Variants in SRGAP2 observed in about 807,000 individuals in gnomAD.
SRGAP2 encodes the protein SLIT-ROBO Rho GTPase activating protein 2, also known as SLIT-ROBO Rho GTPase-activating protein 2.
A neutral mutation model predicts 57.2 loss-of-function variants in SRGAP2; 15 were observed. That is an observed-to-expected ratio of 0.26 (90% CI 0.18 to 0.40). The LOEUF (loss-of-function observed/expected upper bound fraction) is 0.40. Ranked by LOEUF, SRGAP2 falls within the 10% of genes least tolerant of loss-of-function variation. The probability of loss-of-function intolerance (pLI) is 1.00; values close to 1 mark genes in which losing one functional copy is unlikely to be tolerated. For missense variants in SRGAP2, 520 were observed against 669.6 expected (o/e 0.78, Z 2.47); for synonymous variants, 249 against 248.0 (o/e 1.00, Z -0.04).
At chr1:206,349,503 C>T (rs1675883467) in intron 4 of SRGAP2, among the ~76,000 whole-genome samples, 2 of 148,472 alleles carry the variant, frequency 1.3e-5, no homozygotes, top group African/African-American at 4.9e-5. Context: ...CTGAGTAATG[C>T]CTCCCTCAAA....
intron 4 of SRGAP2, among the ~76,000 whole-genome samples, chr1:206,364,265 T>C (rs1236706774): frequency 1.3e-5 from 2 of 149,770 alleles, no homozygotes; most frequent in African/African-American, 4.9e-5. Context: ...TTTTATAGAT[T>C]AACAGGCATC....
chr1:206,243,525 G>A (rs1182628880), intron 2 of SRGAP2, among the ~76,000 whole-genome samples: 1 of 152,208 alleles, frequency 6.6e-6, no homozygotes, highest in East Asian at 1.9e-4. Flanking sequence ...CTAGAGCCAA[G>A]AGGCTTCGAG....
intron 14 of SRGAP2, among the ~76,000 whole-genome samples, chr1:206,432,233 C>A (rs1661336471): frequency 6.6e-6 from 1 of 152,166 alleles, no homozygotes; most frequent in Admixed American, 6.5e-5. Flanking sequence ...CATGAATGTA[C>A]CTGTTTCTGC....
At chr1:206,425,940 G>A (rs184813458) in intron 13 of SRGAP2, among the ~76,000 whole-genome samples, 210 of 149,782 alleles carry the variant, frequency 1.4e-3, no homozygotes, top group African/African-American at 5.0e-3. Flanking sequence ...TCCACCTCCT[G>A]GATTGAAGCA....
chr1:206,391,070 G>A (rs373394648), intron 5 of SRGAP2, among the ~76,000 whole-genome samples: 2,108 of 151,826 alleles, frequency 0.014, 38 homozygotes, highest in South Asian at 0.056. Flanking sequence ...GTTGTTGTGG[G>A]GGCTGTCCTG....
chr1:206,303,914 A>ACACT (rs1553321603), intron 3 of SRGAP2, among the ~76,000 whole-genome samples: 5 of 146,900 alleles, frequency 3.4e-5, no homozygotes, highest in South Asian at 2.1e-4. Flanking sequence ...ACACACACAC[A>ACACT]CACACTCACA....
rs540429458 is a variant in SRGAP2, at chr1:206,353,987, C to T, written c.423+10979C>T. 8.9e-3 allele frequency among the ~76,000 whole-genome samples: 1,354 copies of T among 151,728 alleles called. 16 individuals carry two copies. The highest frequency in any genetic ancestry group is 0.027 in the African/African-American group (1,102 of 41,312). ...GCTAATTTTTTTAGAGATGGGGTCT[C>T]GCTGTGGTGCCCAGGCTAGGCTTGA... On this transcript the variant is annotated intron_variant, in intron 4 of 22. Transcript: ENST00000573034.
rs1664321440 is a variant in SRGAP2 at position 206,462,249 on chromosome 1, T to C, written c.*829T>C. ...CACCCCCGTCTTATTAAGGAGCTTT[T>C]AAAGTTTTTCTGAATGTATAGACAT... On this transcript the variant is annotated 3_prime_UTR_variant, in exon 23 of 23. Transcript: ENST00000573034. The C allele has an allele frequency of 6.6e-6, 1 of 152,658 alleles. No homozygotes were observed. Among genetic ancestry groups the C allele is most frequent in the Admixed American group, 6.5e-5 (1 of 15,282 alleles). The allele number at this position is 152,658 out of a possible 1,614,324, so 9.5% of individuals were successfully genotyped here.
chr1:206,411,337 G>C (rs1211364526), intron 10 of SRGAP2, among the ~76,000 whole-genome samples: 1 of 152,208 alleles, frequency 6.6e-6, no homozygotes, highest in Non-Finnish European at 1.5e-5. Flanking sequence ...GGGGCACTGA[G>C]TGACACTAGA....
chr1:206,355,036 ATTT>A (rs1238616038), intron 4 of SRGAP2, among the ~76,000 whole-genome samples: 1 of 152,190 alleles, frequency 6.6e-6, no homozygotes, highest in African/African-American at 2.4e-5. Context: ...TCTCCTTTAC[ATTT>A]CAATAAACTT....
Position 206,426,459 on chromosome 1 carries a change from A to G in SRGAP2, c.1495-3703A>G, listed in dbSNP as rs1293082360. ...AGAGTGCAGTTACACTGATACTTCA[A>G]TATACTGATTTCTTTTCTTTTGGAT... On this transcript the variant is annotated intron_variant, in intron 13 of 22. Coordinates refer to ENST00000573034, the MANE Select transcript of SRGAP2 (RefSeq NM_015326.5). Among the ~76,000 whole-genome samples, 6 of 152,190 alleles carry G rather than the reference A, an allele frequency of 3.9e-5. 1 individual carries two copies. Among genetic ancestry groups the G allele is most frequent in the East Asian group, 1.9e-4 (1 of 5,202 alleles).
chr1:206,423,786 T>C (rs2103258561), intron 13 of SRGAP2, among the ~76,000 whole-genome samples: 1 of 151,902 alleles, frequency 6.6e-6, no homozygotes, highest in Non-Finnish European at 1.5e-5. Flanking sequence ...GATTTTTTTT[T>C]TTTCTTTTTT....
At chr1:206,292,066 G>A (rs1241039266) in intron 2 of SRGAP2, among the ~76,000 whole-genome samples, 6 of 151,460 alleles carry the variant, frequency 4.0e-5, no homozygotes, top group Non-Finnish European at 5.9e-5. Context: ...AGAAAGGGAA[G>A]GAGGGAGAAC....
At chr1:206,430,314 C>T (rs781996753) in intron 14 of SRGAP2, 92 bp downstream of exon 14, 2 of 743,452 alleles carry the variant, frequency 2.7e-6, no homozygotes, top group Non-Finnish European at 5.1e-6. Context: ...GATTGACTTC[C>T]CATCCTGGCA....
chr1:206,243,503 GC>G, intron 2 of SRGAP2, among the ~76,000 whole-genome samples: 1 of 152,132 alleles, frequency 6.6e-6, no homozygotes, highest in Non-Finnish European at 1.5e-5. Context: ...GTGGACTATG[GC>G]TGCCCCTATG....
intron 13 of SRGAP2, among the ~76,000 whole-genome samples, chr1:206,425,815 G>A (rs551877479): frequency 4.7e-5 from 7 of 149,908 alleles, no homozygotes; most frequent in East Asian, 2.0e-4. Flanking sequence ...GATTACAGGC[G>A]TGAGCCACTG....
At chr1:206,257,910 T>C (rs1669298020) in intron 2 of SRGAP2, among the ~76,000 whole-genome samples, 1 of 149,588 alleles carries the variant, frequency 6.7e-6, no homozygotes, top group Admixed American at 6.6e-5. Context: ...GAGGTGATAT[T>C]TGAGCTGAGG....
chr1:206,311,163 T>C (rs1672611685), intron 3 of SRGAP2, among the ~76,000 whole-genome samples: 1 of 151,522 alleles, frequency 6.6e-6, no homozygotes, highest in Non-Finnish European at 1.5e-5. Flanking sequence ...ATGGTTATGC[T>C]GAACTGCAAG....
At chr1:206,434,696 C>G (rs2103307773) in intron 14 of SRGAP2, among the ~76,000 whole-genome samples, 1 of 152,304 alleles carries the variant, frequency 6.6e-6, no homozygotes, top group Non-Finnish European at 1.5e-5. Flanking sequence ...CATAAGTTCT[C>G]AGGAGGAAAC....
Sources: allele counts gnomAD v4.1 joint callset (sites outside exome capture counted in the v4.1 genomes callset), GRCh38; gene constraint gnomAD v4.1.1; transcripts MANE v1.5; gene names NCBI Gene and HGNC (gene_info 2026-07-23, HGNC 2026-07-21).